LCAT: variants seen among roughly 807,000 people sequenced by gnomAD.
LCAT encodes phosphatidylcholine-sterol acyltransferase.
In LCAT, 15 loss-of-function variants were observed where a neutral mutation model predicts 41.0. The observed-to-expected ratio is 0.37, with a 90% CI of 0.24 to 0.56. The LOEUF (loss-of-function observed/expected upper bound fraction) is 0.56. LCAT is among the 20% of genes least tolerant of loss of function. The probability of loss-of-function intolerance (pLI) is 0.81; values close to 1 mark genes in which losing one functional copy is unlikely to be tolerated. For missense variants in LCAT, 449 were observed against 595.1 expected (o/e 0.75, Z 2.55); for synonymous variants, 248 against 245.4 (o/e 1.01, Z -0.10).
intron 5 of LCAT, chr16:67,941,482 G>A (rs763055314): frequency 1.8e-5 from 4 of 225,084 alleles, no homozygotes; most frequent in Non-Finnish European, 3.0e-5. Context: ...TAAATTAGGT[G>A]TGGTGTTGTG....
chr16:67,939,762 G>C lies in LCAT; in HGVS notation c.*142C>G. ...ATCTAGGGTGCCCAGCTCAGTCCCA[G>C]GCCTCAGCAGAGCCCATCTTGCCTC... On this transcript the variant is annotated 3_prime_UTR_variant, in exon 6 of 6. Coordinates refer to ENST00000264005, the MANE Select transcript of LCAT (RefSeq NM_000229.2). The C allele has an allele frequency of 7.0e-7, 1 of 1,432,824 alleles. No individual in the cohort carries two copies. Among genetic ancestry groups the C allele is most frequent in the Non-Finnish European group, 9.4e-7 (1 of 1,066,536 alleles). The allele number at this position is 1,432,824 out of a possible 1,614,324, so 88.8% of individuals were successfully genotyped here.
chr16:67,942,822 C>T lies in LCAT; in HGVS notation c.427+39G>A. ...GGGCCATGCCTGCTGTGGGCCAGCA[C>T]CCAGGCCTGGAGCCCCAGCCCTGCC... On this transcript the variant is annotated intron_variant, in intron 3 of 5. Coordinates refer to ENST00000264005, the MANE Select transcript of LCAT (RefSeq NM_000229.2). The surrounding 1 kb of genome is among the most constrained non-coding windows in gnomAD (Gnocchi z 6.6). The T allele has an allele frequency of 6.2e-7, 1 of 1,612,126 alleles. No individual in the cohort carries two copies. The highest frequency in any genetic ancestry group is 8.5e-7 in the Non-Finnish European group (1 of 1,179,052).
chr16:67,943,571 C>T lies in LCAT; in HGVS notation c.155-359G>A, dbSNP rs2058306837. On this transcript the variant is annotated intron_variant, in intron 1 of 5. Transcript: ENST00000264005. This position sits in a 1 kb window ranked among gnomAD's most constrained non-coding sequence, Gnocchi z 4.6. ...CTAATAGGGGCCGGGCATGGATGGG[C>T]CTCTCCTGCTCACCGATCCTGGGCT... The T allele has an allele frequency of 2.0e-6, 1 of 505,832 alleles. No individual in the cohort carries two copies. The allele number at this position is 505,832 out of a possible 1,614,324, so 31.3% of individuals were successfully genotyped here.
intron 5 of LCAT, 62 bp from the exon 6 acceptor site, chr16:67,940,540 G>T: frequency 6.2e-7 from 1 of 1,605,134 alleles, no homozygotes; most frequent in Non-Finnish European, 8.5e-7. Context: ...CCCACAACCT[G>T]CTGAGTGTAG....
In LCAT at chr16:67,942,657, G is replaced by T. The variant is rs573472077; in HGVS notation, c.523+14C>A. The T allele has an allele frequency of 1.9e-6, 3 of 1,612,754 alleles. No individual in the cohort carries two copies. The highest frequency in any genetic ancestry group is 2.5e-6 in the Non-Finnish European group (3 of 1,179,860). On this transcript the variant is annotated intron_variant, in intron 4 of 5. Coordinates refer to ENST00000264005, the MANE Select transcript of LCAT (RefSeq NM_000229.2). The surrounding 1 kb of genome is among the most constrained non-coding windows in gnomAD (Gnocchi z 6.6). ...CTGCCCCACCCCAAGCCGGTCATCCGCAGAGACACTCACCGGGCTCCAGCC... is the reference window on the plus strand; with the variant it reads ...CTGCCCCACCCCAAGCCGGTCATCCTCAGAGACACTCACCGGGCTCCAGCC...
chr16:67,939,782 T>C lies in LCAT; in HGVS notation c.*122A>G, dbSNP rs2058282178. 6.0e-6 allele frequency: 9 copies of C among 1,497,230 alleles called. No homozygotes were observed. 92.7% of individuals were successfully genotyped at this position (1,497,230 alleles called of 1,614,324 possible). On this transcript the variant is annotated 3_prime_UTR_variant, in exon 6 of 6. Transcript: ENST00000264005. ...TCCCAGGCCTCAGCAGAGCCCATCT[T>C]GCCTCACTGCACACAGCACTGAGCC...
Position 67,943,362 on chromosome 16 carries a change from C to A in LCAT, c.155-150G>T, listed in dbSNP as rs752113468. ...GCACACTTACCCTCCCCTGCTTACACCCCCTCTCCCTGCTGTCCCCCCAGT... is the reference window on the plus strand; with the variant it reads ...GCACACTTACCCTCCCCTGCTTACAACCCCTCTCCCTGCTGTCCCCCCAGT... On this transcript the variant is annotated intron_variant, in intron 1 of 5. Transcript: ENST00000264005. The surrounding 1 kb of genome is among the most constrained non-coding windows in gnomAD (Gnocchi z 4.6). The A allele has an allele frequency of 5.4e-5, 39 of 725,148 alleles. No homozygotes were observed. The highest frequency in any genetic ancestry group is 8.6e-5 in the Non-Finnish European group (36 of 419,416). 44.9% of individuals were successfully genotyped at this position (725,148 alleles called of 1,614,324 possible). A position where few individuals can be genotyped will look rare whatever the true frequency, so the allele number is the denominator to read the frequency against.
intron 5 of LCAT, chr16:67,940,916 G>C (rs1737673725): frequency 5.1e-6 from 1 of 196,074 alleles, no homozygotes; most frequent in Non-Finnish European, 1.1e-5. Context: ...AAGGCAGGAA[G>C]ATTGCTTGAG....
chr16:67,942,948 C>T lies in LCAT; in HGVS notation c.340G>A (p.Val114Met), dbSNP rs35673026. 623 of 1,613,856 alleles carry T rather than the reference C, an allele frequency of 3.9e-4. 3 individuals carry two copies. In the African/African-American group the frequency reaches 4.4e-3, roughly 11 times the overall value. Residue 114 changes from valine to methionine, a missense_variant, in exon 3 of 6, where the codon GTG becomes ATG. Transcript: ENST00000264005. The surrounding 1 kb of genome is among the most constrained non-coding windows in gnomAD (Gnocchi z 6.6). ...ATCTGGACACCAGGGGCGTTGGACA[C>T]GAGCCCAGAGCTCCGGTTGTAGACA... ...RVVYNRSSGL[V>M]SNAPGVQIRV...
Position 67,941,749 on chromosome 16 carries a change from T to C in LCAT, c.748+614A>G, listed in dbSNP as rs1398996532. ...CTCGGGCATGTGTCTTTCTGCTCCT[T>C]GTGTGGCTTATGCAGCAATGGGGGC... On this transcript the variant is annotated intron_variant, in intron 5 of 5. Coordinates refer to ENST00000264005, the MANE Select transcript of LCAT (RefSeq NM_000229.2). 1.4e-5 allele frequency: 14 copies of C among 1,003,294 alleles called. No homozygotes were observed. The Admixed American group carries it at 6.8e-4, about 49-fold the overall frequency. The allele number at this position is 1,003,294 out of a possible 1,614,324, so 62.1% of individuals were successfully genotyped here. A position where few individuals can be genotyped will look rare whatever the true frequency, so the allele number is the denominator to read the frequency against.
chr16:67,941,959 A>T (rs1433925539), intron 5 of LCAT: 5 of 1,190,104 alleles, frequency 4.2e-6, no homozygotes, highest in African/African-American at 1.6e-5. Flanking sequence ...CTCCCTAGGG[A>T]AGAGCAGGTG....
chr16:67,942,304 G>T lies in LCAT; in HGVS notation c.748+59C>A. 1 of 1,560,284 alleles carries T rather than the reference G, an allele frequency of 6.4e-7. No individual in the cohort carries two copies. Among genetic ancestry groups the T allele is most frequent in the Non-Finnish European group, 8.8e-7 (1 of 1,134,600 alleles). Reference sequence around the variant, plus strand: ...GTGAGCAGGAGCCGCAATGAAGGCAGGCCCAGGATCAGCTTGGTCTCACCC... The same window carrying T: ...GTGAGCAGGAGCCGCAATGAAGGCATGCCCAGGATCAGCTTGGTCTCACCC... On this transcript the variant is annotated intron_variant, in intron 5 of 5. Transcript: ENST00000264005. The surrounding 1 kb of genome is among the most constrained non-coding windows in gnomAD (Gnocchi z 6.6).
At position 67,939,878 on chromosome 16, in the gene LCAT, G is replaced by A. The variant is rs536801218; in HGVS notation, c.*26C>T. ...CCTTCAACCTGAAACATAGCCATCA[G>A]GGCTTACGGTAGCAAAGGAAGGTCT... On this transcript the variant is annotated 3_prime_UTR_variant, in exon 6 of 6. Transcript: ENST00000264005. 1.9e-6 allele frequency: 3 copies of A among 1,605,188 alleles called. No homozygotes were observed. Among genetic ancestry groups the A allele is most frequent in the East Asian group, 4.5e-5 (2 of 44,770 alleles).
chr16:67,942,852 GAC>G lies in LCAT; in HGVS notation c.427+7_427+8del. 6.2e-7 allele frequency: 1 copy of G among 1,613,442 alleles called. No homozygotes were observed. The highest frequency in any genetic ancestry group is 8.5e-7 in the Non-Finnish European group (1 of 1,179,918). ...GCCTGGAGCCCCAGCCCTGCCCTCT[GAC>G]ACAAACCTGCCAGCTTGCTGCTGTC... On this transcript the variant is annotated splice_region_variant and intron_variant, in intron 3 of 5. Transcript: ENST00000264005. This position sits in a 1 kb window ranked among gnomAD's most constrained non-coding sequence, Gnocchi z 6.6.
In LCAT at chr16:67,942,252, T is replaced by C; in HGVS notation, c.748+111A>G. 3 of 1,309,760 alleles carry C rather than the reference T, an allele frequency of 2.3e-6. No individual in the cohort carries two copies. The highest frequency in any genetic ancestry group is 3.2e-6 in the Non-Finnish European group (3 of 930,144). 81.1% of individuals were successfully genotyped at this position (1,309,760 alleles called of 1,614,324 possible). ...GACAGCAAGCATGCCAGCCCAGGAG[T>C]GGTAGATAGCACCCCTAGAGGCCAC... On this transcript the variant is annotated intron_variant, in intron 5 of 5. Transcript: ENST00000264005. This position sits in a 1 kb window ranked among gnomAD's most constrained non-coding sequence, Gnocchi z 6.6.
rs2058301852 is a variant in LCAT at position 67,943,096 on chromosome 16, A to G, written c.271T>C (p.Phe91Leu). 1 of 1,613,900 alleles carries G rather than the reference A, an allele frequency of 6.2e-7. No individual in the cohort carries two copies. Among genetic ancestry groups the G allele is most frequent in the South Asian group, 1.1e-5 (1 of 91,086 alleles). Residue 91 changes from phenylalanine (F) to leucine (L), a missense_variant, in exon 2 of 6, where the codon TTC (phenylalanine) becomes CTC (leucine). Transcript: ENST00000264005. This position sits in a 1 kb window ranked among gnomAD's most constrained non-coding sequence, Gnocchi z 4.6. ...CAGCAGTCTACCCCAAGGGGTAGGAACATGTTGAGATCCAGCCAGATGGTG... is the reference window on the plus strand; with the variant it reads ...CAGCAGTCTACCCCAAGGGGTAGGAGCATGTTGAGATCCAGCCAGATGGTG... ...FFTIWLDLNM[F>L]LPLGVDCWID...
Position 67,942,243 on chromosome 16 carries a change from G to T in LCAT, c.748+120C>A. On this transcript the variant is annotated intron_variant, in intron 5 of 5. Coordinates refer to ENST00000264005, the MANE Select transcript of LCAT (RefSeq NM_000229.2). The surrounding 1 kb of genome is among the most constrained non-coding windows in gnomAD (Gnocchi z 6.6). ...GGGGCCAGTGACAGCAAGCATGCCA[G>T]CCCAGGAGTGGTAGATAGCACCCCT... 7.7e-7 allele frequency: 1 copy of T among 1,295,438 alleles called. No individual in the cohort carries two copies. The highest frequency in any genetic ancestry group is 1.1e-6 in the Non-Finnish European group (1 of 918,708). 80.2% of individuals were successfully genotyped at this position (1,295,438 alleles called of 1,614,324 possible).
rs1332777061 is a variant in LCAT, at chr16:67,942,563, T to C, written c.548A>G (p.Lys183Arg). The C allele has an allele frequency of 6.2e-7, 1 of 1,613,484 alleles. No individual in the cohort carries two copies. Among genetic ancestry groups the C allele is most frequent in the East Asian group, 2.2e-5 (1 of 44,880 alleles). ...EPGQQEEYYRKLAGLVEEMHA... is the reference protein window; with the variant it reads ...EPGQQEEYYRRLAGLVEEMHA... ...CATCTCCTCCACCAGCCCTGCGAGC[T>C]TGCGGTAGTACTCCTCCTGCTGGCC... The change falls in exon 5 of 6, where the codon AAG becomes AGG. Residue 183 changes from lysine (K) to arginine (R), a missense_variant. By Grantham distance (26) the Lys-to-Arg change is conservative. Coordinates refer to ENST00000264005, the MANE Select transcript of LCAT (RefSeq NM_000229.2). This position sits in a 1 kb window ranked among gnomAD's most constrained non-coding sequence, Gnocchi z 6.6.
rs1195448644 is a variant in LCAT at position 67,944,034 on chromosome 16, G to A, written c.68C>T (p.Ala23Val). The change falls in exon 1 of 6, where the codon GCC (alanine) becomes GTC (valine). Residue 23 changes from alanine to valine, a missense_variant. Coordinates refer to ENST00000264005, the MANE Select transcript of LCAT (RefSeq NM_000229.2). The surrounding 1 kb of genome is among the most constrained non-coding windows in gnomAD (Gnocchi z 6.6). The stretch of plus-strand genomic sequence containing the variant: ...GAGCACATTGAGGAGCCAGAAGGGG[G>A]CGGCAGGAGGGAGCAGCAGCCCCAG... ...LLLGLLLPPA[A>V]PFWLLNVLFP... 7 of 1,547,656 alleles carry A rather than the reference G, an allele frequency of 4.5e-6. No individual in the cohort carries two copies. Among genetic ancestry groups the A allele is most frequent in the Non-Finnish European group, 6.1e-6 (7 of 1,145,728 alleles).
Sources: gnomAD v4.1 joint callset for allele counts on GRCh38, gnomAD v4.1.1 for gene constraint, Gnocchi (gnomAD v3.1) non-coding constraint, MANE v1.5 for transcripts, NCBI Gene and HGNC (gene_info 2026-07-23, HGNC 2026-07-21) for gene names.